The following GNAO1 variants were observed in gnomAD, a reference collection of about 807,000 sequenced individuals.
GNAO1 encodes G protein subunit alpha o1.
For missense variants in GNAO1, 166 were observed against 478.7 expected (o/e 0.35, Z 6.10); for synonymous variants, 164 against 180.7 (o/e 0.91, Z 0.74).
At chr16:56,316,578 G>A (rs568242997) in intron 3 of GNAO1, among the ~76,000 whole-genome samples, 3 of 152,208 alleles carry the variant, frequency 2.0e-5, no homozygotes, top group Non-Finnish European at 4.4e-5. Context: ...CCTGGGTCTC[G>A]CCTCACCTCT....
intron 3 of GNAO1, among the ~76,000 whole-genome samples, chr16:56,319,177 A>C (rs2037545480): frequency 6.6e-6 from 1 of 152,218 alleles, no homozygotes; most frequent in African/African-American, 2.4e-5. Context: ...AAGTGTTAAA[A>C]GTGCAGTTTA....
At chr16:56,343,382 G>A (rs2037825076) in intron 6 of GNAO1, among the ~76,000 whole-genome samples, 1 of 149,054 alleles carries the variant, frequency 6.7e-6, no homozygotes, top group East Asian at 1.9e-4. Flanking sequence ...TACTCAGGAG[G>A]CTGAGAAGAG....
chr16:56,319,520 G>A (rs1411529528), intron 3 of GNAO1, among the ~76,000 whole-genome samples: 1 of 152,142 alleles, frequency 6.6e-6, no homozygotes, highest in Non-Finnish European at 1.5e-5. Flanking sequence ...CCAGCTGGCT[G>A]ACTGGAGAGA....
chr16:56,274,313 A>G (rs570279935), intron 2 of GNAO1, among the ~76,000 whole-genome samples: 1 of 152,278 alleles, frequency 6.6e-6, no homozygotes, highest in Non-Finnish European at 1.5e-5. Context: ...GCTAGCAAAG[A>G]TCCCTTTGAG....
chr16:56,192,587 A>G lies in GNAO1; in HGVS notation c.132A>G (p.Ser44=), dbSNP rs1461948245. Residue 44 remains serine (S), a synonymous_variant, in exon 2 of 9, where the codon TCA becomes TCG. Coordinates refer to ENST00000262493, the MANE Select transcript of GNAO1 (RefSeq NM_020988.3). Reference sequence around the variant, plus strand: ...GTGTCCCAACAGGGGCTGGAGAATCAGGAAAAAGCACCATTGTGAAGCAGA... The same window carrying G: ...GTGTCCCAACAGGGGCTGGAGAATCGGGAAAAAGCACCATTGTGAAGCAGA... ...VKLLLLGAGE[S]GKSTIVKQMK... is the part of the protein sequence containing the mutation. 5 of 1,600,074 alleles carry G rather than the reference A, an allele frequency of 3.1e-6. No homozygotes were observed. In the African/African-American group the frequency reaches 6.8e-5, roughly 22 times the overall value.
At chr16:56,202,467 A>G (rs1252044777) in intron 2 of GNAO1, among the ~76,000 whole-genome samples, 1 of 152,208 alleles carries the variant, frequency 6.6e-6, no homozygotes, top group Non-Finnish European at 1.5e-5. Context: ...TTTATTGTTC[A>G]TTTCTACATG....
intron 6 of GNAO1, 94 bp downstream of exon 6, chr16:56,336,954 A>G (rs1596872883): frequency 8.0e-7 from 1 of 1,246,480 alleles, no homozygotes. Context: ...GGGTGCCCAC[A>G]ATGGCTCTGG....
chr16:56,261,907 A>G (rs1288182920), intron 2 of GNAO1, among the ~76,000 whole-genome samples: 3 of 152,158 alleles, frequency 2.0e-5, no homozygotes, highest in African/African-American at 7.2e-5. Flanking sequence ...AAGACTCCTG[A>G]CTGCTAAGAA....
chr16:56,219,561 A>T (rs2036465791), intron 2 of GNAO1, among the ~76,000 whole-genome samples: 2 of 152,194 alleles, frequency 1.3e-5, no homozygotes, highest in Non-Finnish European at 2.9e-5. Context: ...TAGGAAATGT[A>T]TCCTTCACCT....
chr16:56,289,332 C>A (rs2037207364), intron 3 of GNAO1, among the ~76,000 whole-genome samples: 1 of 152,142 alleles, frequency 6.6e-6, no homozygotes, highest in Non-Finnish European at 1.5e-5. Flanking sequence ...GAGAGTGGTT[C>A]AGGGTTGTCA....
At chr16:56,325,536 C>T (rs1281826944) in intron 3 of GNAO1, among the ~76,000 whole-genome samples, 4 of 152,078 alleles carry the variant, frequency 2.6e-5, no homozygotes, top group Admixed American at 6.5e-5. Flanking sequence ...CTGGAGAGCC[C>T]GTGAAATCGG....
intron 3 of GNAO1, among the ~76,000 whole-genome samples, chr16:56,294,703 A>G (rs1180218370): frequency 1.3e-5 from 2 of 152,184 alleles, no homozygotes; most frequent in Non-Finnish European, 2.9e-5. Flanking sequence ...TACTTCCCCA[A>G]GTGGTAGTAC....
chr16:56,247,894 A>G (rs1166835409), intron 2 of GNAO1, among the ~76,000 whole-genome samples: 1 of 152,210 alleles, frequency 6.6e-6, no homozygotes, highest in Admixed American at 6.5e-5. Context: ...TGGAATTGCC[A>G]ACTAGGTATC....
chr16:56,192,741 C>T lies in GNAO1; in HGVS notation c.161+125C>T, dbSNP rs1209764568. ...TTTAATTCGTGCACACACACACACA[C>T]ACACACACACCCCTATATTTGACTC... On this transcript the variant is annotated intron_variant, in intron 2 of 8. Transcript: ENST00000262493. 7.4e-6 allele frequency: 5 copies of T among 675,112 alleles called. No individual in the cohort carries two copies. The African/African-American group carries it at 8.9e-5, about 12-fold the overall frequency. The allele number at this position is 675,112 out of a possible 1,614,324, so 41.8% of individuals were successfully genotyped here. A position where few individuals can be genotyped will look rare whatever the true frequency, so the allele number is the denominator to read the frequency against.
Position 56,303,623 on chromosome 16 carries a change from T to TA in GNAO1, c.304-25007dup, listed in dbSNP as rs377185049. 8.9e-4 allele frequency among the ~76,000 whole-genome samples: 136 copies of TA among 152,266 alleles called. 3 individuals are homozygous for TA. The highest frequency in any genetic ancestry group is 3.1e-3 in the African/African-American group (130 of 41,554). ...GTGACTGTCAGACAGTTTATGGACT[T>TA]ACACCCTTGACAAAGCATCACAAAG... On this transcript the variant is annotated intron_variant, in intron 3 of 8. Coordinates refer to ENST00000262493, the MANE Select transcript of GNAO1 (RefSeq NM_020988.3).
At chr16:56,245,884 C>T (rs1459440226) in intron 2 of GNAO1, among the ~76,000 whole-genome samples, 4 of 152,088 alleles carry the variant, frequency 2.6e-5, no homozygotes, top group African/African-American at 9.7e-5. Context: ...AAATGCAGGC[C>T]TTTTAGGAGA....
intron 2 of GNAO1, among the ~76,000 whole-genome samples, chr16:56,253,563 G>A (rs2036818838): frequency 6.6e-6 from 1 of 152,236 alleles, no homozygotes; most frequent in Admixed American, 6.5e-5. Flanking sequence ...GCCCTGTGGG[G>A]CGGGTGTTGG....
At chr16:56,241,556 A>G (rs1490473832) in intron 2 of GNAO1, among the ~76,000 whole-genome samples, 2 of 152,182 alleles carry the variant, frequency 1.3e-5, no homozygotes, top group Non-Finnish European at 2.9e-5. Flanking sequence ...CTCCTATTTA[A>G]AGCAGGTGAT....
intron 2 of GNAO1, among the ~76,000 whole-genome samples, chr16:56,263,069 A>C (rs1302981247): frequency 6.6e-6 from 1 of 152,202 alleles, no homozygotes; most frequent in African/African-American, 2.4e-5. Flanking sequence ...AAGGAGGGGA[A>C]CCCATGCCAG....
Sources: gnomAD v4.1 joint callset for allele counts (sites outside exome capture counted in the v4.1 genomes callset) on GRCh38, gnomAD v4.1.1 for gene constraint, MANE v1.5 for transcripts, NCBI Gene and HGNC (gene_info 2026-07-23, HGNC 2026-07-21) for gene names.